The following JAZF1 variants were observed in gnomAD, a reference collection of about 807,000 sequenced individuals.
JAZF1 encodes JAZF zinc finger 1.
A neutral mutation model predicts 26.4 loss-of-function variants in JAZF1; 8 were observed. That is an observed-to-expected ratio of 0.30 (90% confidence interval 0.18 to 0.55). The LOEUF is 0.55. JAZF1 is among the 20% of genes least tolerant of loss of function. The pLI is 0.94. For synonymous variants in JAZF1, 126 were observed against 122.3 expected, an observed-to-expected ratio of 1.03 and a Z score of -0.20; for missense variants, 199 against 322.0, an observed-to-expected ratio of 0.62 and a Z score of 2.92.
chr7:27,831,552 T>C lies in JAZF1; in HGVS notation c.*1248A>G, dbSNP rs73075359. On this transcript the variant is annotated 3_prime_UTR_variant, in exon 5 of 5. Coordinates refer to ENST00000283928, the MANE Select transcript of JAZF1 (RefSeq NM_175061.4). ...TTACTCTAATAGGTCGTATTAGTCA[T>C]GCTTTTCTTTGACCACCTGCTGCAA... 19,970 of 227,680 alleles carry C rather than the reference T, an allele frequency of 0.088. 1,194 individuals carry two copies. The highest frequency in any genetic ancestry group is 0.13 in the Middle Eastern group (98 of 754). The allele number at this position is 227,680 out of a possible 1,614,324, so 14.1% of individuals were successfully genotyped here. A position where few individuals can be genotyped will look rare whatever the true frequency, so the allele number is the denominator to read the frequency against.
intron 1 of JAZF1, among the ~76,000 whole-genome samples, chr7:28,141,748 TAA>T (rs1402116851): frequency 6.6e-6 from 1 of 152,214 alleles, no homozygotes; most frequent in Non-Finnish European, 1.5e-5. Flanking sequence ...ATAGTTCTCT[TAA>T]CCTATGACTT....
At chr7:28,034,469 T>TAACAC (rs1554283294) in intron 1 of JAZF1, among the ~76,000 whole-genome samples, 3 of 145,290 alleles carry the variant, frequency 2.1e-5, no homozygotes, top group African/African-American at 7.6e-5. Context: ...AGAAAACTAA[T>TAACAC]ACACACACAC....
At chr7:28,000,200 G>A (rs1395147483) in intron 1 of JAZF1, among the ~76,000 whole-genome samples, 3 of 152,100 alleles carry the variant, frequency 2.0e-5, no homozygotes, top group Admixed American at 6.5e-5. Context: ...CAGAAGAGTG[G>A]TTCTGAACTG....
chr7:28,119,960 G>A (rs1470737391), intron 1 of JAZF1, among the ~76,000 whole-genome samples: 2 of 152,132 alleles, frequency 1.3e-5, no homozygotes, highest in Non-Finnish European at 2.9e-5. Flanking sequence ...TGCCTAACAA[G>A]CCCCTACCAT....
chr7:27,874,855 CAG>C (rs1783648337), intron 3 of JAZF1, among the ~76,000 whole-genome samples: 1 of 152,162 alleles, frequency 6.6e-6, no homozygotes. Context: ...CCCCAGAAAA[CAG>C]AAAACAAAGC....
At chr7:27,891,992 G>A in intron 3 of JAZF1, among the ~76,000 whole-genome samples, 1 of 152,192 alleles carries the variant, frequency 6.6e-6, no homozygotes, top group East Asian at 1.9e-4. Context: ...CCTACAAGAT[G>A]ACTATTACTT....
chr7:28,056,475 C>CAA (rs55980818), intron 1 of JAZF1, among the ~76,000 whole-genome samples: 29,614 of 119,818 alleles, frequency 0.25, 4,419 homozygotes, highest in Non-Finnish European at 0.35. Context: ...CACACACACA[C>CAA]AATAAGAAAG....
chr7:27,986,805 G>A (rs926331994), intron 2 of JAZF1, among the ~76,000 whole-genome samples: 12 of 151,174 alleles, frequency 7.9e-5, no homozygotes, highest in East Asian at 3.9e-4. Context: ...GCAGGCGCGC[G>A]CTGCCATGCC....
chr7:28,073,987 A>G (rs1346240019), intron 1 of JAZF1, among the ~76,000 whole-genome samples: 1 of 152,172 alleles, frequency 6.6e-6, no homozygotes, highest in Non-Finnish European at 1.5e-5. Context: ...GTTAAAAAAA[A>G]AAAAATCAGA....
At chr7:27,984,002 A>G (rs1038684795) in intron 2 of JAZF1, among the ~76,000 whole-genome samples, 6 of 152,242 alleles carry the variant, frequency 3.9e-5, no homozygotes, top group Non-Finnish European at 8.8e-5. Context: ...AAACATGCCA[A>G]ATTGTAAAGA....
intron 2 of JAZF1, among the ~76,000 whole-genome samples, chr7:27,950,316 G>A (rs932901049): frequency 1.2e-4 from 19 of 152,192 alleles, no homozygotes; most frequent in African/African-American, 3.6e-4. Context: ...AGTTGACAGC[G>A]AATCACTTGA....
intron 1 of JAZF1, among the ~76,000 whole-genome samples, chr7:28,095,584 T>G (rs911912027): frequency 6.6e-6 from 1 of 152,144 alleles, no homozygotes; most frequent in African/African-American, 2.4e-5. Flanking sequence ...GAGATTTGGG[T>G]GGGTACACAA....
intron 2 of JAZF1, among the ~76,000 whole-genome samples, chr7:27,976,445 G>T (rs1291949402): frequency 1.3e-5 from 2 of 151,454 alleles, no homozygotes; most frequent in African/African-American, 4.9e-5. Flanking sequence ...CTGGCAGGCA[G>T]CCATCTCAGC....
intron 3 of JAZF1, chr7:27,844,546 T>C (rs1015731688): frequency 6.6e-6 from 1 of 152,150 alleles, no homozygotes; most frequent in Non-Finnish European, 1.5e-5. Context: ...TTAATAAAAA[T>C]CACGAGCACT....
rs143426292 is a variant in JAZF1 at position 28,149,670 on chromosome 7, T to C, written c.115+30793A>G. ...AACTAGATTCCCACACAAGCACACA[T>C]TGATCTTCAATTTGAATCAGTGGGG... On this transcript the variant is annotated intron_variant, in intron 1 of 4. Transcript: ENST00000283928. Among the ~76,000 whole-genome samples the C allele has an allele frequency of 1.2e-3, 181 of 152,320 alleles. 1 individual carries two copies. Among genetic ancestry groups the C allele is most frequent in the African/African-American group, 3.8e-3 (159 of 41,562 alleles).
intron 1 of JAZF1, among the ~76,000 whole-genome samples, chr7:28,092,481 G>GTA (rs1784319049): frequency 6.9e-6 from 1 of 144,122 alleles, no homozygotes; most frequent in African/African-American, 2.9e-5. Context: ...AATATTAAAA[G>GTA]TATATAAAAA....
At chr7:27,895,599 T>C (rs1235732375) in intron 2 of JAZF1, among the ~76,000 whole-genome samples, 183 bp from the exon 3 acceptor site, 1 of 152,192 alleles carries the variant, frequency 6.6e-6, no homozygotes, top group East Asian at 1.9e-4. Flanking sequence ...TCTAGCTTGT[T>C]ATTTTTAAGG....
intron 1 of JAZF1, among the ~76,000 whole-genome samples, chr7:28,013,457 T>C (rs1012527960): frequency 3.0e-4 from 45 of 152,076 alleles, no homozygotes; most frequent in African/African-American, 1.1e-3. Context: ...CAGCTCAGGA[T>C]AGCGGGGGTT....
intron 2 of JAZF1, among the ~76,000 whole-genome samples, chr7:27,902,571 C>T (rs1017401382): frequency 6.6e-6 from 1 of 152,156 alleles, no homozygotes; most frequent in Non-Finnish European, 1.5e-5. Flanking sequence ...CCTAGCCTTT[C>T]GGTGCTGCCA....
Sources: allele counts gnomAD v4.1 joint callset (sites outside exome capture counted in the v4.1 genomes callset), GRCh38; gene constraint gnomAD v4.1.1; transcripts MANE v1.5; gene names NCBI Gene and HGNC (gene_info 2026-07-23, HGNC 2026-07-21).